MFAP5: variants seen among roughly 807,000 people sequenced by gnomAD.
MFAP5 encodes microfibrillar-associated protein 5.
MFAP5 carries 19 observed loss-of-function variants against 30.1 expected under a neutral mutation model. The ratio of observed to expected loss-of-function variants is 0.63; its 90% CI spans 0.44 to 0.93. The LOEUF is 0.93. MFAP5 is among the 40% of genes least tolerant of loss of function. The pLI is 0.00. For missense variants in MFAP5, 210 were observed against 221.3 expected, an observed-to-expected ratio of 0.95 and a Z score of 0.32; for synonymous variants, 92 against 72.9, an observed-to-expected ratio of 1.26 and a Z score of -1.33.
intron 2 of MFAP5, 36 bp downstream of exon 2, chr12:8,662,011 G>A (rs780397352): frequency 6.3e-7 from 1 of 1,593,068 alleles, no homozygotes. Context: ...TAGCTGAGGA[G>A]CTGAGGGTTT....
intron 4 of MFAP5, 95 bp from the exon 5 acceptor site, chr12:8,655,542 A>G: frequency 7.5e-7 from 1 of 1,332,288 alleles, no homozygotes; most frequent in Non-Finnish European, 1.0e-6. Flanking sequence ...AGGAGGCAAG[A>G]AAGGCTGAAG....
intron 3 of MFAP5, among the ~76,000 whole-genome samples, chr12:8,659,295 C>G (rs946422214): frequency 6.7e-6 from 1 of 149,104 alleles, no homozygotes; most frequent in Non-Finnish European, 1.5e-5. Flanking sequence ...GTAACAAGAG[C>G]GAAACTCTGT....
At chr12:8,654,126 CAAAAA>C (rs61055144) in intron 6 of MFAP5, 9 of 113,538 alleles carry the variant, frequency 7.9e-5, no homozygotes, top group South Asian at 2.5e-4. Flanking sequence ...TAATCCGTCT[CAAAAA>C]AAAAAAAAAA....
intron 3 of MFAP5, among the ~76,000 whole-genome samples, chr12:8,656,643 C>T (rs762784159): frequency 2.5e-5 from 3 of 119,216 alleles, no homozygotes; most frequent in Non-Finnish European, 1.8e-5. Flanking sequence ...CACACACACA[C>T]ACACACATAT....
intron 8 of MFAP5, 117 bp from the exon 9 acceptor site, chr12:8,649,691 CTTTTCCCCA>C: frequency 1.4e-6 from 1 of 730,416 alleles, no homozygotes; most frequent in East Asian, 2.6e-5. Context: ...TCCCTATCTG[CTTTTCCCCA>C]ACTGTATTTT....
intron 3 of MFAP5, among the ~76,000 whole-genome samples, chr12:8,657,863 T>C (rs1435306688): frequency 6.6e-6 from 1 of 151,382 alleles, no homozygotes; most frequent in Non-Finnish European, 1.5e-5. Flanking sequence ...TAAGCCACCA[T>C]GCCCGGCCTG....
intron 6 of MFAP5, among the ~76,000 whole-genome samples, chr12:8,652,915 C>T (rs1046456845): frequency 2.0e-5 from 3 of 152,240 alleles, no homozygotes; most frequent in East Asian, 1.9e-4. Context: ...CATGGCTGGG[C>T]GTGGTGGCTC....
intron 6 of MFAP5, 122 bp downstream of exon 6, chr12:8,654,315 T>G: frequency 1.1e-6 from 1 of 895,520 alleles, no homozygotes; most frequent in Non-Finnish European, 1.7e-6. Context: ...TGGAAATATG[T>G]GCTCCATAAA....
intron 6 of MFAP5, among the ~76,000 whole-genome samples, chr12:8,653,038 A>C (rs1282475528): frequency 2.6e-5 from 4 of 151,960 alleles, no homozygotes; most frequent in Admixed American, 1.3e-4. Context: ...AAAAATACAA[A>C]AAAATTAGCC....
At chr12:8,661,787 G>A (rs754483921) in intron 2 of MFAP5, among the ~76,000 whole-genome samples, 3 of 152,034 alleles carry the variant, frequency 2.0e-5, no homozygotes, top group Admixed American at 6.6e-5. Flanking sequence ...CTCTTTGGGT[G>A]GTTAATATGC....
chr12:8,652,199 C>T (rs927638547), intron 6 of MFAP5, among the ~76,000 whole-genome samples: 1 of 152,096 alleles, frequency 6.6e-6, no homozygotes, highest in African/African-American at 2.4e-5. Flanking sequence ...AATCCCAGCA[C>T]TTTGGGAGGC....
intron 3 of MFAP5, among the ~76,000 whole-genome samples, chr12:8,659,944 C>G (rs995511141): frequency 6.6e-6 from 1 of 152,162 alleles, no homozygotes; most frequent in African/African-American, 2.4e-5. Flanking sequence ...TGTCCTCTAA[C>G]TCTCCTGGGA....
intron 7 of MFAP5, among the ~76,000 whole-genome samples, 199 bp from the exon 8 acceptor site, chr12:8,650,788 G>A (rs191388827): frequency 5.5e-4 from 84 of 152,300 alleles, no homozygotes; most frequent in African/African-American, 1.9e-3. Context: ...AAGTTTTGGC[G>A]CTTCCCTACT....
intron 9 of MFAP5, 138 bp from the exon 10 acceptor site, chr12:8,648,341 G>T: frequency 1.1e-6 from 1 of 894,598 alleles, no homozygotes; most frequent in Non-Finnish European, 1.7e-6. Flanking sequence ...AACCAGCTCT[G>T]CCACTTACTT....
chr12:8,651,800 G>T, intron 6 of MFAP5, 109 bp from the exon 7 acceptor site: 1 of 947,684 alleles, frequency 1.1e-6, no homozygotes, highest in Non-Finnish European at 1.7e-6. Flanking sequence ...TAAATAGGGA[G>T]CAAATGAATT....
intron 3 of MFAP5, among the ~76,000 whole-genome samples, chr12:8,656,583 T>TATACACACACACACACACACACACACAC (rs1555139590): frequency 7.4e-6 from 1 of 135,656 alleles, no homozygotes; most frequent in Non-Finnish European, 1.5e-5. Flanking sequence ...AATATATATA[T>TATACACACACACACACACACACACACAC]ATATATATAC....
At chr12:8,655,335 A>G (rs1941951686) in intron 5 of MFAP5, 80 bp downstream of exon 5, 1 of 1,228,048 alleles carries the variant, frequency 8.1e-7, no homozygotes, top group South Asian at 1.4e-5. Context: ...AAAGCACAGA[A>G]TGAATTCAAG....
chr12:8,649,893 A>G lies in MFAP5; in HGVS notation c.336-319T>C, dbSNP rs2136460491. 1.3e-5 allele frequency among the ~76,000 whole-genome samples: 2 copies of G among 152,118 alleles called. 1 individual carries two copies. Among genetic ancestry groups the G allele is most frequent in the South Asian group, 4.2e-4 (2 of 4,816 alleles). ...GGTGCACCCGTCACCCAAGCAGTGT[A>G]CACCGTACCCAATGTGTAGCCTTTA... On this transcript the variant is annotated intron_variant, in intron 8 of 9. Coordinates refer to ENST00000359478, the MANE Select transcript of MFAP5 (RefSeq NM_003480.4).
At chr12:8,656,894 C>G (rs1942018054) in intron 3 of MFAP5, among the ~76,000 whole-genome samples, 1 of 151,960 alleles carries the variant, frequency 6.6e-6, no homozygotes, top group African/African-American at 2.4e-5. Context: ...TCTTGAACTC[C>G]TGACCTCAGG....
Sources: allele counts gnomAD v4.1 joint callset (sites outside exome capture counted in the v4.1 genomes callset), GRCh38; gene constraint gnomAD v4.1.1; transcripts MANE v1.5; gene names NCBI Gene and HGNC (gene_info 2026-07-23, HGNC 2026-07-21).